PZP: variants seen among roughly 807,000 people sequenced by gnomAD.
The protein encoded by PZP is PZP alpha-2-macroglobulin like.
In PZP, 150 loss-of-function variants were observed where a neutral mutation model predicts 179.8. The ratio of observed to expected loss-of-function variants is 0.83; its 90% confidence interval spans 0.73 to 0.96. The LOEUF is 0.96. PZP is among the 40% of genes least tolerant of loss of function. The pLI, the probability that PZP is intolerant of heterozygous loss-of-function variation, is 0.00. For missense variants in PZP, 1,689 were observed against 1,764.0 expected, an observed-to-expected ratio of 0.96 and a Z score of 0.76; for synonymous variants, 624 against 652.3, an observed-to-expected ratio of 0.96 and a Z score of 0.66.
the PZP span, among the ~76,000 whole-genome samples, chr12:9,140,735 G>A: frequency 6.6e-6 from 1 of 152,048 alleles, no homozygotes; most frequent in Non-Finnish European, 1.5e-5. Context: ...AAGATAACTT[G>A]GGGGTACTGG....
In PZP at chr12:9,196,315, T is replaced by TAC. The variant is rs756622155; in HGVS notation, c.1092+13_1092+14dup. On this transcript the variant is annotated intron_variant, in intron 10 of 35. Coordinates refer to ENST00000261336, the MANE Select transcript of PZP (RefSeq NM_002864.3). ...CTGGATACTTTGCTTACCTGTGCAT[T>TAC]ACAACATATCTTACCTGTGCAAAAA... The TAC allele has an allele frequency of 2.5e-6, 4 of 1,569,770 alleles. No homozygotes were observed. Among genetic ancestry groups the TAC allele is most frequent in the Non-Finnish European group, 3.5e-6 (4 of 1,140,322 alleles).
chr12:9,159,570 A>G (rs898453209), intron 25 of PZP, among the ~76,000 whole-genome samples: 1 of 152,046 alleles, frequency 6.6e-6, no homozygotes, highest in Non-Finnish European at 1.5e-5. Flanking sequence ...GGCTATCATG[A>G]CAGTTGGACT....
chr12:9,202,397 T>C, intron 3 of PZP, 26 bp from the exon 4 acceptor site: 1 of 1,614,070 alleles, frequency 6.2e-7, no homozygotes, highest in Non-Finnish European at 8.5e-7. Flanking sequence ...TCCGATAAGA[T>C]TCAGACATGA....
In PZP at chr12:9,203,875, T is replaced by A; in HGVS notation, c.160A>T (p.Asn54Tyr). 6.2e-7 allele frequency: 1 copy of A among 1,614,096 alleles called. No homozygotes were observed. The highest frequency in any genetic ancestry group is 8.5e-7 in the Non-Finnish European group (1 of 1,180,016). ...KKGCVLLSHL[N>Y]ETVTVSASLE... is the part of the protein sequence containing the mutation. ...GAAGCACTTACAGTCACTGTCTCAT[T>A]CAGGTGGCTCAGAAGGACACAGCCC... Residue 54 changes from asparagine to tyrosine, a missense_variant, in exon 2 of 36, where the codon AAT becomes TAT. Physicochemically the swap from Asn to Tyr is moderately radical, Grantham distance 143 (BLOSUM62 -2). Coordinates refer to ENST00000261336, the MANE Select transcript of PZP (RefSeq NM_002864.3).
At chr12:9,186,543 T>A (rs1330192436) in intron 13 of PZP, among the ~76,000 whole-genome samples, 3 of 151,682 alleles carry the variant, frequency 2.0e-5, no homozygotes, top group South Asian at 4.2e-4. Flanking sequence ...AGGCTCGAGA[T>A]AAAGGAAAGG....
At chr12:9,194,685 C>A (rs866570348) in intron 10 of PZP, among the ~76,000 whole-genome samples, 1 of 152,052 alleles carries the variant, frequency 6.6e-6, no homozygotes, top group South Asian at 2.1e-4. Flanking sequence ...AGGATGGTCT[C>A]GATCGCCTGA....
At chr12:9,182,777 G>A (rs1002993892) in intron 13 of PZP, among the ~76,000 whole-genome samples, 3 of 152,156 alleles carry the variant, frequency 2.0e-5, no homozygotes, top group Admixed American at 2.0e-4. Flanking sequence ...GGTCCACTGG[G>A]GACTTGAGTA....
chr12:9,188,482 T>C (rs1369958962), intron 13 of PZP, among the ~76,000 whole-genome samples: 1 of 152,144 alleles, frequency 6.6e-6, no homozygotes, highest in African/African-American at 2.4e-5. Context: ...ATGTCCTCTC[T>C]CACCACTCCT....
intron 25 of PZP, among the ~76,000 whole-genome samples, 189 bp downstream of exon 25, chr12:9,159,749 T>C (rs939856496): frequency 1.3e-5 from 2 of 151,368 alleles, no homozygotes; most frequent in African/African-American, 4.9e-5. Context: ...AAGAAGACTC[T>C]CAACTAGATG....
intron 30 of PZP, 67 bp from the exon 31 acceptor site, chr12:9,153,018 A>G: frequency 6.2e-7 from 1 of 1,610,460 alleles, no homozygotes; most frequent in Middle Eastern, 1.7e-4. Flanking sequence ...TCATTACTTA[A>G]CGTCTCCAGA....
At chr12:9,174,619 G>C (rs1046035722) in intron 15 of PZP, among the ~76,000 whole-genome samples, 2 of 152,080 alleles carry the variant, frequency 1.3e-5, no homozygotes, top group African/African-American at 4.8e-5. Context: ...AAAATCTCAG[G>C]ATACAAAATC....
At chr12:9,187,798 T>C (rs1257448141) in intron 13 of PZP, among the ~76,000 whole-genome samples, 1 of 152,212 alleles carries the variant, frequency 6.6e-6, no homozygotes, top group Non-Finnish European at 1.5e-5. Context: ...GTGCAGGTGA[T>C]CCATGCTACA....
chr12:9,163,537 A>G, intron 21 of PZP, 131 bp downstream of exon 21: 1 of 1,062,080 alleles, frequency 9.4e-7, no homozygotes, highest in Non-Finnish European at 1.3e-6. Flanking sequence ...CAATGCTTTT[A>G]GGGCAGGAAA....
chr12:9,163,866 A>G (rs1475846551), intron 20 of PZP, 77 bp from the exon 21 acceptor site: 1 of 1,482,592 alleles, frequency 6.7e-7, no homozygotes. Context: ...CCTTAAACTT[A>G]TAGTTGTCCA....
chr12:9,156,884 T>C (rs977403828), intron 28 of PZP, among the ~76,000 whole-genome samples: 1 of 152,076 alleles, frequency 6.6e-6, no homozygotes, highest in Non-Finnish European at 1.5e-5. Context: ...TTTTGCACAG[T>C]TTTTAAAAAA....
At chr12:9,150,132 A>G (rs776007330) in intron 34 of PZP, among the ~76,000 whole-genome samples, 11 of 152,278 alleles carry the variant, frequency 7.2e-5, no homozygotes, top group South Asian at 2.1e-4. Context: ...CTTTCCTGTT[A>G]TGTAATATTT....
chr12:9,206,662 A>T (rs1226457517), intron 1 of PZP, among the ~76,000 whole-genome samples: 1 of 152,174 alleles, frequency 6.6e-6, no homozygotes, highest in Non-Finnish European at 1.5e-5. Context: ...GTAGTCTCTC[A>T]CATTTATCAC....
At chr12:9,203,719 C>G (rs1382085177) in intron 2 of PZP, 49 bp downstream of exon 2, 1 of 1,593,752 alleles carries the variant, frequency 6.3e-7, no homozygotes, top group East Asian at 2.2e-5. Context: ...CTATAGAGCT[C>G]AATAAAATGT....
At chr12:9,150,169 C>G (rs1565619727) in intron 34 of PZP, among the ~76,000 whole-genome samples, 1 of 152,218 alleles carries the variant, frequency 6.6e-6, no homozygotes, top group Non-Finnish European at 1.5e-5. Context: ...ATCTATGTCT[C>G]TAAACTACTT....
Sources: allele counts gnomAD v4.1 joint callset (sites outside exome capture counted in the v4.1 genomes callset), GRCh38; gene constraint gnomAD v4.1.1; transcripts MANE v1.5; gene names NCBI Gene and HGNC (gene_info 2026-07-23, HGNC 2026-07-21).